UBAC2: variants seen among roughly 807,000 people sequenced by gnomAD.
UBAC2 encodes the protein UBA domain containing 2.
In UBAC2, 26 loss-of-function variants were observed where a neutral mutation model predicts 44.0. The observed-to-expected ratio is 0.59, with a 90% CI of 0.43 to 0.82. The LOEUF (loss-of-function observed/expected upper bound fraction) is 0.82, where lower values mean the gene tolerates loss of function less well. Ranked by LOEUF, UBAC2 falls within the 40% of genes least tolerant of loss-of-function variation. The probability of loss-of-function intolerance (pLI) is 0.00; values close to 1 mark genes in which losing one functional copy is unlikely to be tolerated. For missense variants in UBAC2, 329 were observed against 419.4 expected (o/e 0.78, Z 1.88); for synonymous variants, 155 against 154.3 (o/e 1.00, Z -0.04).
intron 1 of UBAC2, among the ~76,000 whole-genome samples, chr13:99,211,146 C>A (rs2042933282): frequency 6.6e-6 from 1 of 152,168 alleles, no homozygotes; most frequent in African/African-American, 2.4e-5. Context: ...GAAAAGATTG[C>A]TTTTCTTAAG....
chr13:99,302,095 C>T (rs552715885), intron 4 of UBAC2, among the ~76,000 whole-genome samples: 3 of 152,124 alleles, frequency 2.0e-5, no homozygotes, highest in African/African-American at 7.2e-5. Context: ...TGACCTAAAT[C>T]AATGTGCCCA....
intron 4 of UBAC2, among the ~76,000 whole-genome samples, chr13:99,309,664 G>A (rs1380150285): frequency 2.6e-5 from 4 of 151,992 alleles, no homozygotes; most frequent in African/African-American, 9.7e-5. Flanking sequence ...GCAGTGGCAC[G>A]ATCTTGGCTC....
chr13:99,243,415 A>G (rs1333962663), intron 2 of UBAC2, among the ~76,000 whole-genome samples: 1 of 152,090 alleles, frequency 6.6e-6, no homozygotes, highest in Admixed American at 6.5e-5. Flanking sequence ...AAGCTCAGAA[A>G]TGCATATTTT....
At chr13:99,206,550 C>T (rs554377459) in intron 1 of UBAC2, among the ~76,000 whole-genome samples, 1 of 152,336 alleles carries the variant, frequency 6.6e-6, no homozygotes, top group East Asian at 1.9e-4. Flanking sequence ...TGTGGCATCT[C>T]TTTCTTCATA....
intron 8 of UBAC2, among the ~76,000 whole-genome samples, chr13:99,383,924 C>G (rs2045584964): frequency 6.6e-6 from 1 of 152,238 alleles, no homozygotes; most frequent in African/African-American, 2.4e-5. Context: ...CACCTTCTTC[C>G]TCACCTTGCT....
At chr13:99,236,809 C>T (rs1201023587) in intron 1 of UBAC2, among the ~76,000 whole-genome samples, 1 of 152,042 alleles carries the variant, frequency 6.6e-6, no homozygotes, top group East Asian at 1.9e-4. Context: ...GAGATGGCAC[C>T]ACTTCACTCC....
At chr13:99,336,938 A>G (rs764988834) in intron 6 of UBAC2, among the ~76,000 whole-genome samples, 1 of 109,054 alleles carries the variant, frequency 9.2e-6, no homozygotes, top group Non-Finnish European at 1.9e-5. Flanking sequence ...CCTCCTTCCC[A>G]CCTCCCTCCT....
chr13:99,315,709 A>G lies in UBAC2; in HGVS notation c.513+1489A>G, dbSNP rs139511118. The stretch of plus-strand genomic sequence containing the variant: ...GCATGAAGTGTTTAGTGTAATCTGA[A>G]CAGATAATAAGAGTTAAGTCAATTG... On this transcript the variant is annotated intron_variant, in intron 5 of 8. Coordinates refer to ENST00000403766, the MANE Select transcript of UBAC2 (RefSeq NM_001144072.2). 2.9e-3 allele frequency among the ~76,000 whole-genome samples: 444 copies of G among 152,310 alleles called. 8 individuals are homozygous for G. Among genetic ancestry groups the G allele is most frequent in the Non-Finnish European group, 4.3e-4 (29 of 68,034 alleles).
chr13:99,221,587 T>G (rs1012027880), intron 1 of UBAC2, among the ~76,000 whole-genome samples: 1 of 152,220 alleles, frequency 6.6e-6, no homozygotes, highest in Admixed American at 6.5e-5. Flanking sequence ...GTAAGCTGGT[T>G]TTTTGTTCCT....
In UBAC2 at chr13:99,340,363, A is replaced by G; in HGVS notation, c.605A>G (p.Gln202Arg). The change falls in exon 7 of 9, where the codon CAG (glutamine) becomes CGG (arginine). Residue 202 changes from glutamine to arginine, a missense_variant. Gln to Arg is a conservative substitution (Grantham distance 43, BLOSUM62 1). Transcript: ENST00000403766. Reference sequence around the variant, plus strand: ...GACAGCAAAATGTTCCAGGTGCATCAGGTGCTCTGCATCCCCAGCTGGATG... The same window carrying G: ...GACAGCAAAATGTTCCAGGTGCATCGGGTGCTCTGCATCCCCAGCTGGATG... Reference protein sequence around the residue: ...CYDSKMFQVHQVLCIPSWMAK... With the variant: ...CYDSKMFQVHRVLCIPSWMAK... 2 of 1,614,216 alleles carry G rather than the reference A, an allele frequency of 1.2e-6. No homozygotes were observed. The highest frequency in any genetic ancestry group is 8.5e-7 in the Non-Finnish European group (1 of 1,180,010).
intron 7 of UBAC2, among the ~76,000 whole-genome samples, chr13:99,343,116 GC>G (rs2044917975): frequency 6.6e-6 from 1 of 152,210 alleles, no homozygotes; most frequent in African/African-American, 2.4e-5. Context: ...ATGCCCTGCA[GC>G]CCCACCTATG....
At chr13:99,211,683 A>G (rs1312738043) in intron 1 of UBAC2, among the ~76,000 whole-genome samples, 1 of 152,208 alleles carries the variant, frequency 6.6e-6, no homozygotes, top group East Asian at 1.9e-4. Context: ...GAGCAGGTCT[A>G]GGATTTGAAC....
chr13:99,254,843 T>C (rs1161811596), intron 4 of UBAC2: 2 of 1,553,496 alleles, frequency 1.3e-6, no homozygotes, highest in African/African-American at 1.4e-5. Context: ...GTGAAGTGAA[T>C]TTTGATGGGA....
chr13:99,358,021 G>A (rs2045212551), intron 7 of UBAC2, among the ~76,000 whole-genome samples: 1 of 152,224 alleles, frequency 6.6e-6, no homozygotes, highest in Non-Finnish European at 1.5e-5. Flanking sequence ...GTGAGATTCA[G>A]GCCGGTTAGC....
At chr13:99,231,019 G>A (rs529568112) in intron 1 of UBAC2, among the ~76,000 whole-genome samples, 2 of 152,166 alleles carry the variant, frequency 1.3e-5, no homozygotes, top group South Asian at 2.1e-4. Context: ...CTGTACTCCA[G>A]CCTGGGCGAC....
At chr13:99,327,915 G>A (rs909494687) in intron 6 of UBAC2, among the ~76,000 whole-genome samples, 1 of 151,928 alleles carries the variant, frequency 6.6e-6, no homozygotes, top group South Asian at 2.1e-4. Flanking sequence ...TTGAACTTTG[G>A]TAGTTATATA....
chr13:99,305,854 G>C (rs542375706), intron 4 of UBAC2, among the ~76,000 whole-genome samples: 1 of 152,094 alleles, frequency 6.6e-6, no homozygotes, highest in African/African-American at 2.4e-5. Flanking sequence ...AGTAAGCACA[G>C]TTAGATGTGT....
intron 4 of UBAC2, among the ~76,000 whole-genome samples, chr13:99,267,567 A>G (rs79536795): frequency 0.014 from 2,178 of 152,302 alleles, 74 homozygotes; most frequent in East Asian, 0.075. Context: ...GATATAAGTA[A>G]GGAAGGAAGA....
At chr13:99,211,904 A>G (rs2042940775) in intron 1 of UBAC2, among the ~76,000 whole-genome samples, 1 of 152,150 alleles carries the variant, frequency 6.6e-6, no homozygotes, top group East Asian at 1.9e-4. Flanking sequence ...GGACCATGGC[A>G]GCCTCCTTCC....
Sources: gnomAD v4.1 joint callset for allele counts (sites outside exome capture counted in the v4.1 genomes callset) on GRCh38, gnomAD v4.1.1 for gene constraint, MANE v1.5 for transcripts, NCBI Gene and HGNC (gene_info 2026-07-23, HGNC 2026-07-21) for gene names.